KCNQ3: variants seen among roughly 807,000 people sequenced by gnomAD.
KCNQ3 encodes the protein potassium voltage-gated channel subfamily KQT member 3.
A neutral mutation model predicts 92.5 loss-of-function variants in KCNQ3; 30 were observed. That is an observed-to-expected ratio of 0.32 (90% CI 0.24 to 0.44). The LOEUF (loss-of-function observed/expected upper bound fraction) is 0.44. KCNQ3 is among the 20% of genes least tolerant of loss of function. KCNQ3 has a pLI of 1.00. For missense variants in KCNQ3, 913 were observed against 1,140.3 expected, an observed-to-expected ratio of 0.80 and a Z score of 2.87; for synonymous variants, 450 against 468.8, an observed-to-expected ratio of 0.96 and a Z score of 0.52.
intron 12 of KCNQ3, 107 bp from the exon 13 acceptor site, chr8:132,134,495 A>AAGAGG (rs769666056): frequency 0.012 from 9,177 of 791,170 alleles, 113 homozygotes; most frequent in Non-Finnish European, 0.014. Context: ...TGGAATATAT[A>AAGAGG]AGAGGAGAGG....
chr8:132,407,026 G>T (rs572238333), intron 1 of KCNQ3, among the ~76,000 whole-genome samples: 1 of 152,212 alleles, frequency 6.6e-6, no homozygotes, highest in Non-Finnish European at 1.5e-5. Context: ...GGGCACCTTT[G>T]CTTCCTACAC....
intron 2 of KCNQ3, 132 bp from the exon 3 acceptor site, chr8:132,184,499 T>TGGGGG: frequency 1.6e-6 from 1 of 641,064 alleles, no homozygotes; most frequent in East Asian, 4.7e-5. Flanking sequence ...CAGGGATGGC[T>TGGGGG]GGGGATGGGG....
At chr8:132,280,617 G>T (rs1816484277) in intron 1 of KCNQ3, among the ~76,000 whole-genome samples, 1 of 152,148 alleles carries the variant, frequency 6.6e-6, no homozygotes, top group African/African-American at 2.4e-5. Context: ...ATTTAGAGGG[G>T]ACATCCAAAC....
chr8:132,302,611 T>G lies in KCNQ3; in HGVS notation c.387-116430A>C, dbSNP rs115205692. ...AATGAAGACATGTGGATAAGGTCAT[T>G]TCTTTTGAGTTCCTTCTCCTGAAAG... On this transcript the variant is annotated intron_variant, in intron 1 of 14. Transcript: ENST00000388996. Among the ~76,000 whole-genome samples, 640 of 152,298 alleles carry G rather than the reference T, an allele frequency of 4.2e-3. 6 individuals carry two copies. The highest frequency in any genetic ancestry group is 0.015 in the African/African-American group (617 of 41,578).
intron 1 of KCNQ3, among the ~76,000 whole-genome samples, chr8:132,382,440 G>A (rs987058436): frequency 6.6e-6 from 1 of 152,148 alleles, no homozygotes; most frequent in Non-Finnish European, 1.5e-5. Flanking sequence ...ATGAGTAAAA[G>A]CTTCCTGAGG....
rs889558442 is a variant in KCNQ3 at position 132,331,311 on chromosome 8, C to T, written c.387-145130G>A. 1.3e-4 allele frequency among the ~76,000 whole-genome samples: 20 copies of T among 152,200 alleles called. 1 individual carries two copies. Among genetic ancestry groups the T allele is most frequent in the Admixed American group, 5.9e-4 (9 of 15,288 alleles). On this transcript the variant is annotated intron_variant, in intron 1 of 14. Coordinates refer to ENST00000388996, the MANE Select transcript of KCNQ3 (RefSeq NM_004519.4). The stretch of plus-strand genomic sequence containing the variant: ...AGGCTCTCTGCTTCCGAAACTCATG[C>T]TCTTAACTTAGAAAGCCAGAGTTAG...
intron 1 of KCNQ3, among the ~76,000 whole-genome samples, chr8:132,384,813 C>A (rs1421050159): frequency 1.3e-5 from 2 of 152,186 alleles, no homozygotes; most frequent in East Asian, 1.9e-4. Context: ...GTCATTTAAT[C>A]TCTTGCTGCC....
chr8:132,222,541 G>A (rs192852709), intron 1 of KCNQ3, among the ~76,000 whole-genome samples: 20 of 152,284 alleles, frequency 1.3e-4, no homozygotes, highest in Non-Finnish European at 2.6e-4. Flanking sequence ...TATTCTAAGG[G>A]GACTTTGGGT....
chr8:132,210,354 G>C (rs1813810871), intron 1 of KCNQ3, among the ~76,000 whole-genome samples: 1 of 152,218 alleles, frequency 6.6e-6, no homozygotes, highest in Admixed American at 6.5e-5. Flanking sequence ...AGCCTGCAGT[G>C]AGTGCCTGCC....
At chr8:132,285,252 G>T (rs1021534494) in intron 1 of KCNQ3, among the ~76,000 whole-genome samples, 1 of 152,180 alleles carries the variant, frequency 6.6e-6, no homozygotes. Flanking sequence ...TCTGGTGAGA[G>T]CACAGAAGAC....
rs554348845 is a variant in KCNQ3 at position 132,457,142 on chromosome 8, GA to G, written c.386+23004del. Among the ~76,000 whole-genome samples, 20 of 152,334 alleles carry G rather than the reference GA, an allele frequency of 1.3e-4. No individual in the cohort carries two copies. In the South Asian group the frequency reaches 3.9e-3, roughly 30 times the overall value. On this transcript the variant is annotated intron_variant, in intron 1 of 14. Coordinates refer to ENST00000388996, the MANE Select transcript of KCNQ3 (RefSeq NM_004519.4). ...GCCAACACCCCAAACAGACCCTTTG[GA>G]AAGAGTAGATCTGATTTATTACAAT...
intron 1 of KCNQ3, among the ~76,000 whole-genome samples, chr8:132,249,109 C>T (rs560711130): frequency 2.6e-5 from 4 of 152,166 alleles, no homozygotes; most frequent in East Asian, 3.9e-4. Context: ...GTGAGTGTTA[C>T]AGTTACAGCT....
intron 1 of KCNQ3, among the ~76,000 whole-genome samples, chr8:132,328,642 C>G (rs1361717100): frequency 6.6e-6 from 1 of 152,198 alleles, no homozygotes; most frequent in African/African-American, 2.4e-5. Flanking sequence ...ATATCCAAAT[C>G]TACAATGAGT....
At chr8:132,356,027 G>T (rs1357385821) in intron 1 of KCNQ3, among the ~76,000 whole-genome samples, 1 of 152,166 alleles carries the variant, frequency 6.6e-6, no homozygotes, top group African/African-American at 2.4e-5. Context: ...GGTTCATGAA[G>T]GTGATAAGTC....
Position 132,129,705 on chromosome 8 carries a change from T to C in KCNQ3, c.2176A>G (p.Ser726Gly). 1 of 1,614,146 alleles carries C rather than the reference T, an allele frequency of 6.2e-7. No homozygotes were observed. Among genetic ancestry groups the C allele is most frequent in the Non-Finnish European group, 8.5e-7 (1 of 1,180,028 alleles). ...DPVNLPRGGP[S>G]SGKVQATPPS... is the part of the protein sequence containing the mutation. ...GGAGTTGCCTGAACCTTTCCAGAACTGGGTCCCCCTCGGGGCAGGTTCACA... is the reference window on the plus strand; with the variant it reads ...GGAGTTGCCTGAACCTTTCCAGAACCGGGTCCCCCTCGGGGCAGGTTCACA... Residue 726 changes from serine to glycine, a missense_variant, in exon 15 of 15, where the codon AGT becomes GGT. Ser to Gly is a moderately conservative substitution (Grantham distance 56). Around this residue, in one of 6 missense-constraint regions of KCNQ3, gnomAD observed 375 missense variants for 376.4 expected, o/e 1.00. Coordinates refer to ENST00000388996, the MANE Select transcript of KCNQ3 (RefSeq NM_004519.4). The surrounding 1 kb of genome is among the most constrained non-coding windows in gnomAD (Gnocchi z 5.9).
chr8:132,316,096 ATTT>A (rs532439547), intron 1 of KCNQ3, among the ~76,000 whole-genome samples: 1 of 151,192 alleles, frequency 6.6e-6, no homozygotes, highest in Non-Finnish European at 1.5e-5. Context: ...TTCCTTGCTT[ATTT>A]TTTTTTCCTG....
At chr8:132,175,649 G>A (rs2130134526) in intron 4 of KCNQ3, 41 bp from the exon 5 acceptor site, 2 of 1,597,964 alleles carry the variant, frequency 1.3e-6, no homozygotes, top group African/African-American at 1.3e-5. Flanking sequence ...GGTCACTGGG[G>A]AGTCGTTGAG....
intron 1 of KCNQ3, among the ~76,000 whole-genome samples, chr8:132,463,057 T>C (rs891668609): frequency 1.3e-5 from 2 of 152,192 alleles, no homozygotes; most frequent in Admixed American, 6.5e-5. Flanking sequence ...TTATCAGATT[T>C]TTACTTCATA....
chr8:132,327,562 A>T lies in KCNQ3; in HGVS notation c.387-141381T>A, dbSNP rs913769047. On this transcript the variant is annotated intron_variant, in intron 1 of 14. Coordinates refer to ENST00000388996, the MANE Select transcript of KCNQ3 (RefSeq NM_004519.4). Reference sequence around the variant, plus strand: ...CTCATTCAGCTGTGCCCATCTGCATAGGGGAAGGAATCTGCAAGACCAAGG... The same window carrying T: ...CTCATTCAGCTGTGCCCATCTGCATTGGGGAAGGAATCTGCAAGACCAAGG... 3.3e-5 allele frequency among the ~76,000 whole-genome samples: 5 copies of T among 152,080 alleles called. No homozygotes were observed. The South Asian group carries it at 1.0e-3, about 32-fold the overall frequency.
Sources: gnomAD v4.1 joint callset for allele counts (sites outside exome capture counted in the v4.1 genomes callset) on GRCh38, gnomAD v4.1.1 for gene constraint, gnomAD v4.1.1 regional missense constraint, Gnocchi (gnomAD v3.1) non-coding constraint, MANE v1.5 for transcripts, NCBI Gene and HGNC (gene_info 2026-07-23, HGNC 2026-07-21) for gene names.